PGM5: variants seen among roughly 807,000 people sequenced by gnomAD.
PGM5 encodes the protein phosphoglucomutase-like protein 5.
Under a neutral mutation model 59.2 loss-of-function variants are expected in PGM5, and 23 were observed. The ratio of observed to expected loss-of-function variants is 0.39; its 90% CI spans 0.28 to 0.55. The LOEUF (loss-of-function observed/expected upper bound fraction) is 0.55, where lower values mean the gene tolerates loss of function less well. PGM5 is among the 20% of genes least tolerant of loss of function. PGM5 has a pLI of 0.66. For synonymous variants in PGM5, 214 were observed against 286.0 expected (o/e 0.75, Z 2.54); for missense variants, 574 against 748.3 (o/e 0.77, Z 2.72).
chr9:68,452,631 T>G (rs1823715717), intron 6 of PGM5, among the ~76,000 whole-genome samples: 1 of 152,216 alleles, frequency 6.6e-6, no homozygotes, highest in Non-Finnish European at 1.5e-5. Flanking sequence ...CCTCTGGATC[T>G]GAACCCCAGA....
At chr9:68,479,921 T>TCAAAAA (rs1824168075) in intron 8 of PGM5, among the ~76,000 whole-genome samples, 2 of 105,276 alleles carry the variant, frequency 1.9e-5, no homozygotes, top group African/African-American at 8.7e-5. Context: ...AGACTCCGTC[T>TCAAAAA]CAAAAAAAAA....
At chr9:68,518,727 A>G (rs1020068988) in intron 10 of PGM5, among the ~76,000 whole-genome samples, 1 of 152,274 alleles carries the variant, frequency 6.6e-6, no homozygotes, top group Non-Finnish European at 1.5e-5. Context: ...AACAAAGAAT[A>G]TAAGATTGCT....
chr9:68,455,016 T>TG (rs1418693188), intron 6 of PGM5, among the ~76,000 whole-genome samples: 4 of 152,232 alleles, frequency 2.6e-5, no homozygotes, highest in Non-Finnish European at 5.9e-5. Context: ...GGAAGGTAAA[T>TG]GCAGTCTTGA....
intron 6 of PGM5, among the ~76,000 whole-genome samples, chr9:68,431,646 C>T (rs1039808081): frequency 9.2e-5 from 14 of 152,156 alleles, no homozygotes; most frequent in Non-Finnish European, 2.1e-4. Context: ...TCACAGTCTT[C>T]TTCTAGAATG....
intron 7 of PGM5, chr9:68,466,343 G>C (rs1823935230): frequency 2.8e-6 from 1 of 357,108 alleles, no homozygotes; most frequent in African/African-American, 2.3e-5. Context: ...TTCCCCATCT[G>C]TTTATGTAAT....
At chr9:68,403,747 G>T (rs868968328) in intron 6 of PGM5, among the ~76,000 whole-genome samples, 2 of 152,094 alleles carry the variant, frequency 1.3e-5, no homozygotes. Flanking sequence ...ATTATACTCC[G>T]AGTGAAAGTC....
intron 8 of PGM5, among the ~76,000 whole-genome samples, chr9:68,482,325 C>T (rs1554687184): frequency 6.6e-6 from 1 of 152,014 alleles, no homozygotes. Flanking sequence ...CTCCAAATGT[C>T]TACCTTTAAA....
intron 1 of PGM5, among the ~76,000 whole-genome samples, chr9:68,359,232 T>C (rs1834530140): frequency 6.6e-6 from 1 of 152,236 alleles, no homozygotes; most frequent in Non-Finnish European, 1.5e-5. Flanking sequence ...TTATTAACTC[T>C]AAGAGTGGAA....
At chr9:68,398,885 C>T (rs1439597671) in intron 6 of PGM5, among the ~76,000 whole-genome samples, 1 of 152,118 alleles carries the variant, frequency 6.6e-6, no homozygotes, top group African/African-American at 2.4e-5. Flanking sequence ...GTTGAACAAT[C>T]CTTTAATAAT....
At chr9:68,456,892 C>T (rs984121905) in intron 6 of PGM5, among the ~76,000 whole-genome samples, 1 of 152,146 alleles carries the variant, frequency 6.6e-6, no homozygotes, top group African/African-American at 2.4e-5. Context: ...TCCCAAAGTG[C>T]TGTGATTACA....
intron 7 of PGM5, among the ~76,000 whole-genome samples, chr9:68,469,324 C>T (rs1018735010): frequency 2.0e-5 from 3 of 152,036 alleles, no homozygotes; most frequent in African/African-American, 7.3e-5. Flanking sequence ...CAAGAAAGTA[C>T]TCTGTTGAGT....
intron 10 of PGM5, among the ~76,000 whole-genome samples, chr9:68,527,086 G>A (rs984620297): frequency 2.0e-5 from 3 of 152,162 alleles, no homozygotes; most frequent in Non-Finnish European, 2.9e-5. Flanking sequence ...TGGAAAGCAC[G>A]CGTTAGTTTG....
At chr9:68,357,445 C>A in intron 1 of PGM5, 57 bp downstream of exon 1, 1 of 1,531,038 alleles carries the variant, frequency 6.5e-7, no homozygotes, top group Non-Finnish European at 8.8e-7. Flanking sequence ...CCTCTCCTAG[C>A]CCTTGTCCCC....
chr9:68,395,483 C>T lies in PGM5; in HGVS notation c.1043+3010C>T, dbSNP rs1822475658. The stretch of plus-strand genomic sequence containing the variant: ...CCAACATCTCAATTTCTACCAAAGC[C>T]TACTGGGATTTTGATTGGGATTATG... On this transcript the variant is annotated intron_variant, in intron 6 of 10. Transcript: ENST00000396396. Among the ~76,000 whole-genome samples, 5 of 152,070 alleles carry T rather than the reference C, an allele frequency of 3.3e-5. No individual in the cohort carries two copies. In the South Asian group the frequency reaches 1.0e-3, roughly 32 times the overall value.
At position 68,479,473 on chromosome 9, in the gene PGM5, C is replaced by T; in HGVS notation, c.1215C>T (p.Ser405=). The T allele has an allele frequency of 6.2e-7, 1 of 1,614,020 alleles. No individual in the cohort carries two copies. The highest frequency in any genetic ancestry group is 8.5e-7 in the Non-Finnish European group (1 of 1,179,984). Residue 405 remains serine, a synonymous_variant, in exon 8 of 11, where the codon TCC becomes TCT. Transcript: ENST00000396396. Reference sequence around the variant, plus strand: ...TGTGGGCTGTCTTGGTCTGGCTCTCCATTATTGCTGCCCGGAAGCAGAGTG... The same window carrying T: ...TGTGGGCTGTCTTGGTCTGGCTCTCTATTATTGCTGCCCGGAAGCAGAGTG... ...DGLWAVLVWL[S]IIAARKQSVE... is the part of the protein sequence containing the mutation.
intron 10 of PGM5, among the ~76,000 whole-genome samples, chr9:68,501,991 C>T (rs1419286793): frequency 2.0e-5 from 3 of 152,160 alleles, no homozygotes; most frequent in African/African-American, 7.2e-5. Context: ...GTAGATTTTC[C>T]ATTTGCATCC....
intron 9 of PGM5, chr9:68,496,849 T>G (rs2132103112): frequency 6.6e-6 from 1 of 152,336 alleles, no homozygotes; most frequent in South Asian, 2.1e-4. Context: ...GTCTGGGGGC[T>G]CATCAGAAGA....
At chr9:68,372,185 A>G (rs1158530458) in intron 1 of PGM5, among the ~76,000 whole-genome samples, 2 of 151,896 alleles carry the variant, frequency 1.3e-5, no homozygotes, top group African/African-American at 4.8e-5. Context: ...TTAAAATCAC[A>G]GAAATTTATT....
At chr9:68,478,607 G>A (rs937766188) in intron 7 of PGM5, among the ~76,000 whole-genome samples, 5 of 152,158 alleles carry the variant, frequency 3.3e-5, no homozygotes, top group Admixed American at 3.3e-4. Flanking sequence ...TGTAGAGGAG[G>A]ATTCCCCTTG....
Sources: gnomAD v4.1 joint callset for allele counts (sites outside exome capture counted in the v4.1 genomes callset) on GRCh38, gnomAD v4.1.1 for gene constraint, MANE v1.5 for transcripts, NCBI Gene and HGNC (gene_info 2026-07-23, HGNC 2026-07-21) for gene names.